Variants in CFAP299 observed in about 807,000 individuals in gnomAD.
CFAP299 encodes the protein cilia and flagella associated protein 299.
CFAP299 carries 21 observed loss-of-function variants against 27.0 expected under a neutral mutation model. The ratio of observed to expected loss-of-function variants is 0.78; its 90% confidence interval spans 0.55 to 1.12. The LOEUF (loss-of-function observed/expected upper bound fraction) is 1.12. Among genes scored for constraint, CFAP299 ranks in the 50% most tolerant of loss-of-function variants. The pLI, the probability that CFAP299 is intolerant of heterozygous loss-of-function variation, is 0.00. For missense variants in CFAP299, 310 were observed against 276.6 expected, an observed-to-expected ratio of 1.12 and a Z score of -0.86; for synonymous variants, 104 against 98.1, an observed-to-expected ratio of 1.06 and a Z score of -0.36.
chr4:80,873,856 G>T (rs1442372376), intron 4 of CFAP299, among the ~76,000 whole-genome samples: 1 of 152,162 alleles, frequency 6.6e-6, no homozygotes, highest in Non-Finnish European at 1.5e-5. Flanking sequence ...AAGAGGAAAT[G>T]AAAAACTTTT....
intron 3 of CFAP299, among the ~76,000 whole-genome samples, chr4:80,680,398 T>G (rs2110004044): frequency 6.6e-6 from 1 of 152,288 alleles, no homozygotes; most frequent in African/African-American, 2.4e-5. Context: ...TCTCCAAGGT[T>G]TTTTTATATA....
In CFAP299 at chr4:80,335,822, C is replaced by T; in HGVS notation, c.54C>T (p.Asn18=). Residue 18 remains asparagine, a synonymous_variant, in exon 1 of 6, where the codon AAC becomes AAT. Coordinates refer to ENST00000358105, the MANE Select transcript of CFAP299 (RefSeq NM_152770.3). ...KALDNIVTQF[N]AYEDFLDSQI... ...TGGACAATATTGTCACTCAATTCAA[C>T]GCCTATGAAGATTTCCTGGACTCGC... is the stretch of plus-strand genomic sequence containing the variant. The T allele has an allele frequency of 2.5e-6, 4 of 1,613,852 alleles. No individual in the cohort carries two copies. Among genetic ancestry groups the T allele is most frequent in the Non-Finnish European group, 2.5e-6 (3 of 1,179,722 alleles).
rs867021807 is a variant in CFAP299 at position 80,729,614 on chromosome 4, T to G, written c.334-140379T>G. On this transcript the variant is annotated intron_variant, in intron 3 of 5. Coordinates refer to ENST00000358105, the MANE Select transcript of CFAP299 (RefSeq NM_152770.3). ...CATCTTTTTTTTTTTTTTTTTTTTT[T>G]TTTGAGACGGAGTCTCGCTCTGTCT... 7.2e-3 allele frequency among the ~76,000 whole-genome samples: 1,049 copies of G among 145,820 alleles called. 5 individuals carry two copies. Among genetic ancestry groups the G allele is most frequent in the African/African-American group, 0.025 (999 of 39,222 alleles).
At position 80,517,910 on chromosome 4, in the gene CFAP299, G is replaced by A. The variant is rs888542387; in HGVS notation, c.243-65183G>A. On this transcript the variant is annotated intron_variant, in intron 2 of 5. Transcript: ENST00000358105. Reference sequence around the variant, plus strand: ...GGAGACACAGGTAGGCTCTTTGATAGGAAGAAAGTAGAAGCATTAAGAAAC... The same window carrying A: ...GGAGACACAGGTAGGCTCTTTGATAAGAAGAAAGTAGAAGCATTAAGAAAC... 3.3e-5 allele frequency among the ~76,000 whole-genome samples: 5 copies of A among 152,148 alleles called. No individual in the cohort carries two copies. In the East Asian group the frequency reaches 9.6e-4, roughly 29 times the overall value.
At chr4:80,937,500 G>A (rs1213286110) in intron 4 of CFAP299, among the ~76,000 whole-genome samples, 1 of 151,068 alleles carries the variant, frequency 6.6e-6, no homozygotes, top group Non-Finnish European at 1.5e-5. Context: ...TGTATTTTTT[G>A]TAGAGACATG....
In CFAP299 at chr4:80,944,892, C is replaced by T; in HGVS notation, c.559C>T (p.Leu187Phe). The T allele has an allele frequency of 6.2e-7, 1 of 1,612,920 alleles. No individual in the cohort carries two copies. The highest frequency in any genetic ancestry group is 8.5e-7 in the Non-Finnish European group (1 of 1,179,186). ...QVIADNPEGL[L>F]FRYKRDRKIL... The stretch of plus-strand genomic sequence containing the variant: ...GATTGCCGATAATCCAGAAGGCTTA[C>T]TTTTCAGATACAAAAGAGACAGAAA... The change falls in exon 5 of 6, where the codon CTT becomes TTT. Residue 187 changes from leucine to phenylalanine, a missense_variant. Coordinates refer to ENST00000358105, the MANE Select transcript of CFAP299 (RefSeq NM_152770.3).
rs183825647 is a variant in CFAP299, at chr4:80,925,445, G to T, written c.477-19365G>T. On this transcript the variant is annotated intron_variant, in intron 4 of 5. Transcript: ENST00000358105. Reference sequence around the variant, plus strand: ...TGCTTCTGTCACACTGACCAAGAGAGTTATGCTTTGTAGGAGCAAAAAAAG... The same window carrying T: ...TGCTTCTGTCACACTGACCAAGAGATTTATGCTTTGTAGGAGCAAAAAAAG... Among the ~76,000 whole-genome samples, 36 of 151,970 alleles carry T rather than the reference G, an allele frequency of 2.4e-4. 1 individual carries two copies.
intron 4 of CFAP299, among the ~76,000 whole-genome samples, chr4:80,881,101 G>C (rs913527722): frequency 1.3e-5 from 2 of 152,188 alleles, no homozygotes; most frequent in South Asian, 2.1e-4. Context: ...GTATCTCTAG[G>C]AGGAAAGGAA....
At chr4:80,610,000 CA>C (rs1002517255) in intron 3 of CFAP299, among the ~76,000 whole-genome samples, 1 of 152,000 alleles carries the variant, frequency 6.6e-6, no homozygotes, top group Non-Finnish European at 1.5e-5. Context: ...ATTTTACCCA[CA>C]GGATGTTTTT....
intron 3 of CFAP299, among the ~76,000 whole-genome samples, chr4:80,837,270 G>A (rs947260699): frequency 6.6e-6 from 1 of 152,028 alleles, no homozygotes; most frequent in African/African-American, 2.4e-5. Flanking sequence ...TCAATTCATT[G>A]TATTTGTTTT....
chr4:80,874,457 G>T (rs1733269573), intron 4 of CFAP299, among the ~76,000 whole-genome samples: 1 of 152,082 alleles, frequency 6.6e-6, no homozygotes, highest in Non-Finnish European at 1.5e-5. Flanking sequence ...GTCTTAGTTT[G>T]TGCTGCTATA....
chr4:80,645,592 C>T (rs548578534), intron 3 of CFAP299, among the ~76,000 whole-genome samples: 7 of 152,070 alleles, frequency 4.6e-5, no homozygotes, highest in Admixed American at 2.0e-4. Context: ...GTGACTAGCA[C>T]GTTCAGTGCT....
chr4:80,527,996 T>C (rs572881420), intron 2 of CFAP299, among the ~76,000 whole-genome samples: 101 of 152,264 alleles, frequency 6.6e-4, no homozygotes, highest in African/African-American at 2.4e-3. Context: ...TGGTCCTGTT[T>C]CCTGACTCAG....
chr4:80,653,134 T>G (rs1405679014), intron 3 of CFAP299, among the ~76,000 whole-genome samples: 2 of 152,182 alleles, frequency 1.3e-5, no homozygotes, highest in Non-Finnish European at 2.9e-5. Context: ...TTCAGCTATA[T>G]GCACACTTGT....
At chr4:80,853,019 TTTTA>T (rs149748143) in intron 3 of CFAP299, among the ~76,000 whole-genome samples, 22,246 of 151,334 alleles carry the variant, frequency 0.15, 1,961 homozygotes, top group Middle Eastern at 0.28. Flanking sequence ...TTTATTTTCT[TTTTA>T]TTTATTTATT....
chr4:80,425,327 A>G (rs1560561680), intron 2 of CFAP299, among the ~76,000 whole-genome samples: 1 of 152,198 alleles, frequency 6.6e-6, no homozygotes, highest in Non-Finnish European at 1.5e-5. Flanking sequence ...CTGCCTAACA[A>G]GCCACATGGA....
chr4:80,855,773 A>G (rs1382702811), intron 3 of CFAP299, among the ~76,000 whole-genome samples: 2 of 152,178 alleles, frequency 1.3e-5, no homozygotes, highest in African/African-American at 4.8e-5. Flanking sequence ...TCCACGGTGT[A>G]TATGTGCCAC....
chr4:80,753,032 T>TA (rs1000181861), intron 3 of CFAP299, among the ~76,000 whole-genome samples: 34 of 151,522 alleles, frequency 2.2e-4, no homozygotes, highest in East Asian at 5.8e-4. Flanking sequence ...ATGCAAATAT[T>TA]AAAAAAAAAC....
chr4:80,438,966 T>A lies in CFAP299; in HGVS notation c.242+76082T>A, dbSNP rs568068456. ...GGTTATTTCAAATAGAATCATTTTTTAAAAATAATTCAACAGTGTTCTAAA... is the reference window on the plus strand; with the variant it reads ...GGTTATTTCAAATAGAATCATTTTTAAAAAATAATTCAACAGTGTTCTAAA... On this transcript the variant is annotated intron_variant, in intron 2 of 5. Coordinates refer to ENST00000358105, the MANE Select transcript of CFAP299 (RefSeq NM_152770.3). Among the ~76,000 whole-genome samples the A allele has an allele frequency of 1.8e-4, 28 of 152,344 alleles. No homozygotes were observed. The South Asian group carries it at 5.2e-3, about 28-fold the overall frequency.
Sources: gnomAD v4.1 joint callset for allele counts (sites outside exome capture counted in the v4.1 genomes callset) on GRCh38, gnomAD v4.1.1 for gene constraint, MANE v1.5 for transcripts, NCBI Gene and HGNC (gene_info 2026-07-23, HGNC 2026-07-21) for gene names.